The following SHANK2 variants were observed in gnomAD, a reference collection of about 807,000 sequenced individuals.
SHANK2 encodes SH3 and multiple ankyrin repeat domains 2.
SHANK2 carries 43 observed loss-of-function variants against 133.7 expected under a neutral mutation model. The ratio of observed to expected loss-of-function variants is 0.32; its 90% CI spans 0.25 to 0.41. SHANK2 has a LOEUF of 0.41. Among genes scored for constraint, SHANK2 ranks in the 10% least tolerant of loss-of-function variants. The pLI is 1.00. For missense variants in SHANK2, 1,994 were observed against 2,235.8 expected (o/e 0.89, Z 2.18); for synonymous variants, 1,017 against 952.8 (o/e 1.07, Z -1.24).
chr11:70,718,054 A>G (rs1259226353), intron 14 of SHANK2, among the ~76,000 whole-genome samples: 3 of 151,964 alleles, frequency 2.0e-5, no homozygotes, highest in African/African-American at 7.3e-5. Flanking sequence ...TTTTTCCCCT[A>G]GTGCCAGTTT....
chr11:71,090,101 G>A (rs947991024), intron 8 of SHANK2, among the ~76,000 whole-genome samples: 1 of 151,314 alleles, frequency 6.6e-6, no homozygotes, highest in African/African-American at 2.4e-5. Context: ...GTGTGTGTGT[G>A]TGTGTGTGTG....
intron 17 of SHANK2, among the ~76,000 whole-genome samples, chr11:70,510,837 G>A (rs2059195981): frequency 6.6e-6 from 1 of 152,238 alleles, no homozygotes; most frequent in Non-Finnish European, 1.5e-5. Context: ...AAGAGGAAGT[G>A]TGACTCCATT....
chr11:71,129,772 G>A (rs1384857816), intron 3 of SHANK2, among the ~76,000 whole-genome samples: 1 of 152,254 alleles, frequency 6.6e-6, no homozygotes, highest in African/African-American at 2.4e-5. Context: ...CAGAATGCGG[G>A]CACTGGAGAC....
At position 71,210,214 on chromosome 11, in the gene SHANK2, A is replaced by G. The variant is rs1296298157; in HGVS notation, c.-13+14483T>C. Among the ~76,000 whole-genome samples the G allele has an allele frequency of 4.0e-3, 119 of 29,842 alleles. 4 individuals are homozygous for G. Among genetic ancestry groups the G allele is most frequent in the Middle Eastern group, 0.011 (1 of 88 alleles). The allele number at this position is 29,842 out of a possible 152,430, so 19.6% of individuals were successfully genotyped here. On this transcript the variant is annotated intron_variant, in intron 2 of 25. Transcript: ENST00000601538. The stretch of plus-strand genomic sequence containing the variant: ...CTCTTCATTGGAAATCCACAGGTAT[A>G]TATATATATATATATATATATATAT...
At chr11:70,773,503 T>C (rs927143416) in intron 14 of SHANK2, among the ~76,000 whole-genome samples, 5 of 152,260 alleles carry the variant, frequency 3.3e-5, no homozygotes, top group African/African-American at 1.2e-4. Flanking sequence ...ATGAGCTTAA[T>C]GTTGCTGAAT....
chr11:70,716,895 G>GCCCCCCCCCC (rs60827522), intron 14 of SHANK2, among the ~76,000 whole-genome samples: 3 of 138,386 alleles, frequency 2.2e-5, no homozygotes, highest in African/African-American at 5.9e-5. Flanking sequence ...GGGTCCCGGA[G>GCCCCCCCCCC]CCCCCCCCCC....
chr11:70,929,160 G>T (rs1555082105), intron 10 of SHANK2, among the ~76,000 whole-genome samples: 3 of 152,190 alleles, frequency 2.0e-5, no homozygotes, highest in Non-Finnish European at 2.9e-5. Context: ...ATCTGTTAGT[G>T]GTGTGTGTAT....
chr11:70,663,025 G>A (rs1458957000), intron 15 of SHANK2, among the ~76,000 whole-genome samples: 3 of 152,140 alleles, frequency 2.0e-5, no homozygotes, highest in Non-Finnish European at 4.4e-5. Context: ...CAGCGTGGAG[G>A]GAGGCCTCTA....
chr11:70,655,005 G>C (rs2061388790), intron 17 of SHANK2, among the ~76,000 whole-genome samples: 1 of 152,074 alleles, frequency 6.6e-6, no homozygotes, highest in Non-Finnish European at 1.5e-5. Context: ...CTGACCTCAG[G>C]TGATCCACCC....
intron 8 of SHANK2, among the ~76,000 whole-genome samples, 183 bp from the exon 9 acceptor site, chr11:71,075,458 C>T (rs1231280433): frequency 6.6e-6 from 1 of 152,238 alleles, no homozygotes; most frequent in African/African-American, 2.4e-5. Context: ...CATGCACCAC[C>T]AGACCCCTGG....
In SHANK2 at chr11:71,232,138, G is replaced by A. The variant is rs142206152; in HGVS notation, c.-112-7342C>T. Among the ~76,000 whole-genome samples the A allele has an allele frequency of 1.8e-3, 274 of 152,280 alleles. 6 individuals are homozygous for A. In the East Asian group the frequency reaches 0.028, roughly 16 times the overall value. ...AGCCAATCCCAAAAGGCTACTTACTGTGTGATTCCATTTCTGTATAATTAC... is the reference window on the plus strand; with the variant it reads ...AGCCAATCCCAAAAGGCTACTTACTATGTGATTCCATTTCTGTATAATTAC... On this transcript the variant is annotated intron_variant, in intron 1 of 25. Coordinates refer to ENST00000601538, the MANE Select transcript of SHANK2 (RefSeq NM_012309.5).
At chr11:70,547,549 C>T (rs531239021) in intron 17 of SHANK2, among the ~76,000 whole-genome samples, 1 of 152,254 alleles carries the variant, frequency 6.6e-6, no homozygotes, top group South Asian at 2.1e-4. Flanking sequence ...GCATGAGCCA[C>T]CGCACCTGTC....
intron 17 of SHANK2, among the ~76,000 whole-genome samples, chr11:70,620,694 G>A (rs1160333211): frequency 3.9e-5 from 6 of 152,290 alleles, no homozygotes; most frequent in African/African-American, 1.4e-4. Flanking sequence ...GAGGTAACTC[G>A]GGTTATACGA....
chr11:71,154,203 G>A (rs551201450), intron 2 of SHANK2, among the ~76,000 whole-genome samples: 1 of 152,296 alleles, frequency 6.6e-6, no homozygotes, highest in East Asian at 1.9e-4. Flanking sequence ...AGGCTCCCCT[G>A]GTGCCGTTTA....
intron 11 of SHANK2, among the ~76,000 whole-genome samples, chr11:70,822,628 G>A (rs1948549244): frequency 6.7e-6 from 1 of 149,514 alleles, no homozygotes; most frequent in Admixed American, 6.6e-5. Flanking sequence ...GGGGGACAGA[G>A]GTGGCACTGG....
intron 2 of SHANK2, among the ~76,000 whole-genome samples, chr11:71,196,003 G>A (rs1468588935): frequency 6.6e-6 from 1 of 151,986 alleles, no homozygotes. Context: ...GCAACATAGC[G>A]AGACCCTGTC....
chr11:71,108,432 C>G (rs1555098367), intron 6 of SHANK2, among the ~76,000 whole-genome samples: 1 of 152,198 alleles, frequency 6.6e-6, no homozygotes, highest in African/African-American at 2.4e-5. Context: ...CTGCAGCTGC[C>G]CACCTGCCCT....
intron 6 of SHANK2, among the ~76,000 whole-genome samples, chr11:71,100,110 C>G (rs142069828): frequency 4.1e-4 from 62 of 150,906 alleles, no homozygotes; most frequent in African/African-American, 1.4e-3. Flanking sequence ...AGAACACTGA[C>G]AACACCAAAT....
chr11:71,092,362 C>G, intron 8 of SHANK2, 60 bp downstream of exon 8: 1 of 1,538,170 alleles, frequency 6.5e-7, no homozygotes, highest in Non-Finnish European at 8.8e-7. Context: ...TCTGCGGGAT[C>G]GGAGGAGAAG....
Sources: gnomAD v4.1 joint callset for allele counts (sites outside exome capture counted in the v4.1 genomes callset) on GRCh38, gnomAD v4.1.1 for gene constraint, MANE v1.5 for transcripts, NCBI Gene and HGNC (gene_info 2026-07-23, HGNC 2026-07-21) for gene names.